Variants in TBC1D19 observed in about 807,000 individuals in gnomAD.
The protein encoded by TBC1D19 is TBC1 domain family, member 19.
In TBC1D19, 60 loss-of-function variants were observed where a neutral mutation model predicts 89.0. That is an observed-to-expected ratio of 0.67 (90% CI 0.55 to 0.84). The LOEUF (loss-of-function observed/expected upper bound fraction) is 0.84, where lower values mean the gene tolerates loss of function less well. Ranked by LOEUF, TBC1D19 falls within the 40% of genes least tolerant of loss-of-function variation. The pLI, the probability that TBC1D19 is intolerant of heterozygous loss-of-function variation, is 0.00. For synonymous variants in TBC1D19, 189 were observed against 199.7 expected (o/e 0.95, Z 0.45); for missense variants, 500 against 610.8 (o/e 0.82, Z 1.91).
chr4:26,680,604 T>A (rs758676073), intron 11 of TBC1D19, among the ~76,000 whole-genome samples: 4 of 152,214 alleles, frequency 2.6e-5, no homozygotes, highest in Non-Finnish European at 4.4e-5. Context: ...GCTGAGTTAA[T>A]CACTTGATCT....
intron 14 of TBC1D19, among the ~76,000 whole-genome samples, chr4:26,719,529 T>A (rs1453420835): frequency 6.6e-6 from 1 of 152,092 alleles, no homozygotes; most frequent in Non-Finnish European, 1.5e-5. Context: ...AGATACTTTT[T>A]AAAACTCTCT....
chr4:26,795,356 A>G, the TBC1D19 span, among the ~76,000 whole-genome samples: 75 of 152,260 alleles, frequency 4.9e-4, no homozygotes, highest in East Asian at 1.4e-3. Flanking sequence ...GGTAGCTACT[A>G]TTACAATTCC....
intron 1 of TBC1D19, among the ~76,000 whole-genome samples, chr4:26,598,432 T>C (rs1173028166): frequency 6.6e-6 from 1 of 152,170 alleles, no homozygotes; most frequent in Admixed American, 6.5e-5. Flanking sequence ...TCTTGCTCTG[T>C]CGCCCAGACT....
chr4:26,719,993 C>A, intron 14 of TBC1D19, 88 bp from the exon 15 acceptor site: 1 of 1,079,596 alleles, frequency 9.3e-7, no homozygotes, highest in Admixed American at 2.5e-5. Flanking sequence ...TTTTAAAATT[C>A]CGTTGTTAGT....
At position 26,755,440 on chromosome 4, in the gene TBC1D19, A is replaced by G. The variant is rs765264702; in HGVS notation, c.*493A>G. ...CTTGAAAAAGATAATGTTTTTAAGT[A>G]GGAATTCAAAAGTTGCTTAAATGGT... On this transcript the variant is annotated 3_prime_UTR_variant, in exon 21 of 21. Coordinates refer to ENST00000264866, the MANE Select transcript of TBC1D19 (RefSeq NM_018317.4). 7 of 152,130 alleles carry G rather than the reference A, an allele frequency of 4.6e-5. No homozygotes were observed. Among genetic ancestry groups the G allele is most frequent in the Non-Finnish European group, 8.8e-5 (6 of 68,002 alleles). The allele number at this position is 152,130 out of a possible 1,614,324, so 9.4% of individuals were successfully genotyped here.
chr4:26,670,643 G>A (rs565732211), intron 9 of TBC1D19, among the ~76,000 whole-genome samples: 2 of 151,712 alleles, frequency 1.3e-5, no homozygotes, highest in Admixed American at 6.6e-5. Context: ...TTTTTACAAA[G>A]TGAACACACT....
intron 4 of TBC1D19, among the ~76,000 whole-genome samples, chr4:26,626,092 G>T (rs1011470926): frequency 1.5e-4 from 23 of 152,030 alleles, no homozygotes; most frequent in African/African-American, 5.3e-4. Context: ...ATTTATTTAT[G>T]TATTCAATTA....
intron 15 of TBC1D19, among the ~76,000 whole-genome samples, chr4:26,720,464 T>TA (rs1354816200): frequency 6.6e-6 from 1 of 152,120 alleles, no homozygotes; most frequent in African/African-American, 2.4e-5. Flanking sequence ...CTTTACTCAA[T>TA]TGAGTGGATT....
chr4:26,697,036 C>T (rs1714848323), intron 13 of TBC1D19, among the ~76,000 whole-genome samples: 1 of 151,886 alleles, frequency 6.6e-6, no homozygotes, highest in African/African-American at 2.4e-5. Context: ...GATAGAGACA[C>T]AAAAAACCCT....
the TBC1D19 span, among the ~76,000 whole-genome samples, chr4:26,820,063 A>G: frequency 2.0e-5 from 3 of 152,202 alleles, no homozygotes; most frequent in African/African-American, 7.2e-5. Flanking sequence ...ATAATTACAT[A>G]TAATTGTGGG....
At chr4:26,665,023 C>T (rs775291833) in intron 8 of TBC1D19, among the ~76,000 whole-genome samples, 2 of 152,012 alleles carry the variant, frequency 1.3e-5, no homozygotes, top group African/African-American at 4.8e-5. Flanking sequence ...GGTTGGCCGA[C>T]GATCGCTCTA....
the TBC1D19 span, among the ~76,000 whole-genome samples, chr4:26,835,263 G>A: frequency 6.6e-6 from 1 of 152,154 alleles, no homozygotes; most frequent in Non-Finnish European, 1.5e-5. Context: ...CATGAGCCAA[G>A]GAATGCAGGT....
chr4:26,744,958 A>G (rs1439637371), intron 18 of TBC1D19, among the ~76,000 whole-genome samples: 1 of 152,212 alleles, frequency 6.6e-6, no homozygotes, highest in African/African-American at 2.4e-5. Context: ...TGAAAGAGAA[A>G]TGTGATCAGC....
the TBC1D19 span, among the ~76,000 whole-genome samples, chr4:26,827,717 GT>G: frequency 1.6e-3 from 228 of 143,702 alleles, no homozygotes; most frequent in African/African-American, 4.6e-3. Flanking sequence ...TTTTTGTTTT[GT>G]TTTTTTTTTT....
intron 9 of TBC1D19, among the ~76,000 whole-genome samples, chr4:26,666,897 A>G (rs921137136): frequency 2.0e-5 from 3 of 151,982 alleles, no homozygotes; most frequent in Non-Finnish European, 2.9e-5. Context: ...ATAAAAATGA[A>G]GTACAAATTT....
At position 26,756,191 on chromosome 4, in the gene TBC1D19, TAATA is replaced by T. The variant is rs1486842863; in HGVS notation, c.*1247_*1250del. On this transcript the variant is annotated 3_prime_UTR_variant, in exon 21 of 21. Coordinates refer to ENST00000264866, the MANE Select transcript of TBC1D19 (RefSeq NM_018317.4). ...AATAATTTATTCCATGATTGATTCTTAATAAACCCCATTTTATTGCTTTTGAAGG... is the reference window on the plus strand; with the variant it reads ...AATAATTTATTCCATGATTGATTCTTAACCCCATTTTATTGCTTTTGAAGG... 6.6e-6 allele frequency among the ~76,000 whole-genome samples: 1 copy of T among 152,222 alleles called. No individual in the cohort carries two copies. Among genetic ancestry groups the T allele is most frequent in the African/African-American group, 2.4e-5 (1 of 41,466 alleles).
At chr4:26,685,512 C>T (rs1577931262) in intron 12 of TBC1D19, among the ~76,000 whole-genome samples, 1 of 152,110 alleles carries the variant, frequency 6.6e-6, no homozygotes, top group Non-Finnish European at 1.5e-5. Flanking sequence ...TGTGTGATAA[C>T]AAAGCAGAAA....
At chr4:26,781,638 A>T in the TBC1D19 span, among the ~76,000 whole-genome samples, 1 of 152,194 alleles carries the variant, frequency 6.6e-6, no homozygotes, top group Non-Finnish European at 1.5e-5. Context: ...AGTCCTGAGG[A>T]TAATGGTATT....
chr4:26,773,155 T>A, the TBC1D19 span, among the ~76,000 whole-genome samples: 2 of 152,340 alleles, frequency 1.3e-5, no homozygotes, highest in Admixed American at 6.5e-5. Context: ...ATAGTCACCA[T>A]TCTGACTGGC....
Sources: gnomAD v4.1 joint callset for allele counts (sites outside exome capture counted in the v4.1 genomes callset) on GRCh38, gnomAD v4.1.1 for gene constraint, MANE v1.5 for transcripts, NCBI Gene and HGNC (gene_info 2026-07-23, HGNC 2026-07-21) for gene names.